Variants in PCDHA9 observed in about 807,000 individuals in gnomAD.
PCDHA9 encodes protocadherin alpha 9, also known as protocadherin alpha-9.
A neutral mutation model predicts 62.0 loss-of-function variants in PCDHA9; 62 were observed. The observed-to-expected ratio is 1.00, with a 90% CI of 0.81 to 1.23. The LOEUF (loss-of-function observed/expected upper bound fraction) is 1.23, where lower values mean the gene tolerates loss of function less well. Ranked by LOEUF, PCDHA9 falls within the 50% of genes most tolerant of loss-of-function variation. PCDHA9 has a pLI of 0.00. For synonymous variants in PCDHA9, 557 were observed against 567.6 expected, an observed-to-expected ratio of 0.98 and a Z score of 0.27; for missense variants, 1,205 against 1,249.8, an observed-to-expected ratio of 0.96 and a Z score of 0.54.
intron 1 of PCDHA9, chr5:140,882,497 G>A (rs1554174299): frequency 6.2e-7 from 1 of 1,614,140 alleles, no homozygotes; most frequent in South Asian, 1.1e-5. Context: ...CCTTCTGGAG[G>A]TAAATCTGCA....
intron 1 of PCDHA9, chr5:140,867,194 C>T (rs185502341): frequency 1.6e-3 from 248 of 152,260 alleles, no homozygotes; most frequent in African/African-American, 5.7e-3. Context: ...CAAGACTCCA[C>T]ATTCCATGTA....
intron 3 of PCDHA9, among the ~76,000 whole-genome samples, chr5:140,996,100 G>A (rs1554255000): frequency 1.3e-5 from 2 of 152,190 alleles, no homozygotes; most frequent in Non-Finnish European, 2.9e-5. Flanking sequence ...TACATGGAAT[G>A]GTATGGAAGT....
chr5:140,989,509 T>G (rs1554250840), intron 3 of PCDHA9, among the ~76,000 whole-genome samples: 1 of 152,196 alleles, frequency 6.6e-6, no homozygotes, highest in African/African-American at 2.4e-5. Context: ...GCTTATAACC[T>G]GAGTTGAGGG....
intron 1 of PCDHA9, chr5:140,863,371 C>A: frequency 2.6e-6 from 3 of 1,169,148 alleles, no homozygotes; most frequent in Non-Finnish European, 3.7e-6. Context: ...CTTGGCGCAG[C>A]TCACCGAGAG....
intron 1 of PCDHA9, among the ~76,000 whole-genome samples, chr5:140,942,587 CAT>C (rs2093330311): frequency 6.7e-6 from 1 of 148,732 alleles, no homozygotes; most frequent in East Asian, 2.0e-4. Flanking sequence ...TAGGATGTCA[CAT>C]ATAATTATAG....
chr5:140,852,721 T>G (rs2042450982), intron 1 of PCDHA9: 1 of 982,810 alleles, frequency 1.0e-6, no homozygotes, highest in South Asian at 4.8e-5. Flanking sequence ...TTTGCACGTT[T>G]TTCAAGTTTC....
At chr5:140,909,327 G>A (rs2074440684) in intron 1 of PCDHA9, among the ~76,000 whole-genome samples, 1 of 152,216 alleles carries the variant, frequency 6.6e-6, no homozygotes. Context: ...CCAAATCAAT[G>A]GTTGCATACC....
intron 1 of PCDHA9, chr5:140,864,637 A>G (rs1554159030): frequency 6.6e-6 from 1 of 152,220 alleles, no homozygotes; most frequent in East Asian, 1.9e-4. Flanking sequence ...AAACAAAACA[A>G]AACAATGTCA....
chr5:140,946,517 G>A (rs138420578), intron 1 of PCDHA9, among the ~76,000 whole-genome samples: 8 of 151,024 alleles, frequency 5.3e-5, no homozygotes, highest in Admixed American at 1.3e-4. Flanking sequence ...AGACCTATCC[G>A]CACTCCCATG....
At position 141,011,314 on chromosome 5, in the gene PCDHA9, T is replaced by G. The variant is rs1269900647; in HGVS notation, c.*1377T>G. 2.0e-5 allele frequency: 3 copies of G among 153,782 alleles called. No homozygotes were observed. Among genetic ancestry groups the G allele is most frequent in the Non-Finnish European group, 4.4e-5 (3 of 68,040 alleles). 9.5% of individuals were successfully genotyped at this position (153,782 alleles called of 1,614,324 possible). On this transcript the variant is annotated 3_prime_UTR_variant, in exon 4 of 4. Coordinates refer to ENST00000532602, the MANE Select transcript of PCDHA9 (RefSeq NM_031857.2). ...CTATAACACTCTGAATTGCTAATCT[T>G]ACTAACACCTATGATGTTACCTGAA...
intron 1 of PCDHA9, chr5:140,861,476 C>T: frequency 2.0e-6 from 1 of 493,226 alleles, no homozygotes; most frequent in South Asian, 1.5e-5. Flanking sequence ...TGCAGAATGG[C>T]ATTTTTGTGA....
chr5:141,006,750 G>A (rs1233243147), intron 3 of PCDHA9, among the ~76,000 whole-genome samples: 1 of 152,122 alleles, frequency 6.6e-6, no homozygotes, highest in African/African-American at 2.4e-5. Flanking sequence ...TATTATAAAT[G>A]GAGAATGAAG....
intron 1 of PCDHA9, among the ~76,000 whole-genome samples, chr5:140,964,595 T>G (rs1233382494): frequency 6.6e-6 from 1 of 152,116 alleles, no homozygotes; most frequent in East Asian, 1.9e-4. Context: ...TCACTTTTCA[T>G]GACAACTTAC....
At chr5:140,926,512 C>T in intron 1 of PCDHA9, 1 of 197,914 alleles carries the variant, frequency 5.1e-6, no homozygotes. Context: ...GTCTCCCAGG[C>T]TCCGCCCTGC....
intron 1 of PCDHA9, among the ~76,000 whole-genome samples, chr5:140,898,811 C>T (rs1277456601): frequency 6.6e-6 from 1 of 152,190 alleles, no homozygotes; most frequent in Non-Finnish European, 1.5e-5. Context: ...ACTGATTCTT[C>T]CTACCCATGA....
At chr5:140,878,516 G>A (rs2057626740) in intron 1 of PCDHA9, among the ~76,000 whole-genome samples, 1 of 152,122 alleles carries the variant, frequency 6.6e-6, no homozygotes. Context: ...CAGTACAGTT[G>A]GTAACCAACT....
intron 1 of PCDHA9, among the ~76,000 whole-genome samples, chr5:140,964,516 C>G (rs1410737676): frequency 6.6e-6 from 1 of 152,006 alleles, no homozygotes; most frequent in African/African-American, 2.4e-5. Flanking sequence ...ACCCAGTGGC[C>G]AGGTCTCTGA....
At chr5:140,884,170 G>T (rs1333457358) in intron 1 of PCDHA9, 2 of 1,613,412 alleles carry the variant, frequency 1.2e-6, no homozygotes, top group Non-Finnish European at 8.5e-7. Context: ...TCAGCACGAC[G>T]CGCCCTCTGG....
intron 1 of PCDHA9, among the ~76,000 whole-genome samples, chr5:140,932,539 AT>A (rs782246299): frequency 3.3e-5 from 5 of 152,008 alleles, no homozygotes; most frequent in Admixed American, 2.0e-4. Context: ...AAGGTGCTTT[AT>A]TTAACATACA....
Sources: gnomAD v4.1 joint callset for allele counts (sites outside exome capture counted in the v4.1 genomes callset) on GRCh38, gnomAD v4.1.1 for gene constraint, MANE v1.5 for transcripts, NCBI Gene and HGNC (gene_info 2026-07-23, HGNC 2026-07-21) for gene names.